MTRR: variants seen among roughly 807,000 people sequenced by gnomAD.
The protein encoded by MTRR is 5-methyltetrahydrofolate-homocysteine methyltransferase reductase, also known as methionine synthase reductase.
In MTRR, 63 loss-of-function variants were observed where a neutral mutation model predicts 79.2. The observed-to-expected ratio is 0.80, with a 90% CI of 0.65 to 0.98. MTRR has a LOEUF of 0.98. Ranked by LOEUF, MTRR falls within the 50% of genes least tolerant of loss-of-function variation. MTRR has a pLI of 0.00. For missense variants in MTRR, 895 were observed against 839.6 expected, an observed-to-expected ratio of 1.07 and a Z score of -0.82; for synonymous variants, 355 against 313.3, an observed-to-expected ratio of 1.13 and a Z score of -1.41.
At chr5:7,866,795 C>A (rs780480840), upstream of MTRR, 7 of 1,614,140 alleles carry the variant, frequency 4.3e-6, no homozygotes, top group Non-Finnish European at 5.9e-6. Context: ...TTCCAGCTTT[C>A]TAAATAAAGC....
chr5:7,851,975 TG>T (rs1746091036), intron 1 of MTRR, among the ~76,000 whole-genome samples: 1 of 152,242 alleles, frequency 6.6e-6, no homozygotes, highest in Non-Finnish European at 1.5e-5. Context: ...GTGTTTGAGA[TG>T]AAGCATAGCG....
chr5:7,888,882 T>TTTTA (rs1392166496), intron 8 of MTRR, among the ~76,000 whole-genome samples: 1 of 152,166 alleles, frequency 6.6e-6, no homozygotes, highest in Non-Finnish European at 1.5e-5. Flanking sequence ...ATTTTATTAG[T>TTTTA]TTTATTTATT....
intron 5 of MTRR, among the ~76,000 whole-genome samples, chr5:7,878,720 G>C (rs1314152034): frequency 6.6e-6 from 1 of 152,260 alleles, no homozygotes; most frequent in Admixed American, 6.5e-5. Context: ...CATTTTAGAT[G>C]AGTCAAACAG....
At chr5:7,877,429 A>G (rs1398726971) in intron 4 of MTRR, among the ~76,000 whole-genome samples, 2 of 150,762 alleles carry the variant, frequency 1.3e-5, no homozygotes, top group Non-Finnish European at 2.9e-5. Context: ...AGGACTTGGC[A>G]TTAATCCATA....
chr5:7,852,385 T>C (rs990034250), intron 1 of MTRR, among the ~76,000 whole-genome samples: 2 of 152,138 alleles, frequency 1.3e-5, no homozygotes, highest in African/African-American at 2.4e-5. Context: ...CTCTCTCTTT[T>C]TATTTATATC....
rs1200960108 is a variant in MTRR, at chr5:7,870,058, TGA to T, written c.-25-710_-25-709del. On this transcript the variant is annotated intron_variant, in intron 1 of 14. Transcript: ENST00000440940. Reference sequence around the variant, plus strand: ...TTAGATGAGTATGGAAAAAAATCTGTGAGTGTCGTTTGTTTTACTACTGCTTA... The same window carrying T: ...TTAGATGAGTATGGAAAAAAATCTGTGTGTCGTTTGTTTTACTACTGCTTA... The T allele has an allele frequency of 1.8e-5, 18 of 985,404 alleles. No homozygotes were observed. The Admixed American group carries it at 5.5e-4, about 30-fold the overall frequency. The allele number at this position is 985,404 out of a possible 1,614,324, so 61.0% of individuals were successfully genotyped here. A position where few individuals can be genotyped will look rare whatever the true frequency, so the allele number is the denominator to read the frequency against.
chr5:7,880,968 A>C (rs575211751), intron 5 of MTRR, among the ~76,000 whole-genome samples: 1 of 152,120 alleles, frequency 6.6e-6, no homozygotes, highest in Non-Finnish European at 1.5e-5. Flanking sequence ...TGCAGAAGCC[A>C]TTGTCAAGTA....
chr5:7,890,866 A>G (rs981988466), intron 9 of MTRR, among the ~76,000 whole-genome samples: 10 of 152,240 alleles, frequency 6.6e-5, no homozygotes, highest in Non-Finnish European at 1.3e-4. Context: ...TAAAAACCAA[A>G]CACTTTAATT....
intron 6 of MTRR, among the ~76,000 whole-genome samples, chr5:7,884,418 C>CT (rs1236678784): frequency 6.6e-6 from 1 of 152,224 alleles, no homozygotes; most frequent in Non-Finnish European, 1.5e-5. Flanking sequence ...CTCCCCTACA[C>CT]TTTAAGTCAT....
chr5:7,867,650 C>T, upstream of MTRR: 2 of 1,614,212 alleles, frequency 1.2e-6, no homozygotes, highest in African/African-American at 1.3e-5. Context: ...CCCTTGATCA[C>T]CATCCTTTTT....
upstream of MTRR, chr5:7,850,948 T>G (rs529905773): frequency 1.5e-6 from 2 of 1,342,824 alleles, no homozygotes; most frequent in African/African-American, 3.0e-5. Context: ...GAAGGCGGAC[T>G]GCGCCGAGAC....
intron 14 of MTRR, among the ~76,000 whole-genome samples, chr5:7,899,699 A>G (rs1359960231): frequency 3.3e-5 from 5 of 152,192 alleles, no homozygotes; most frequent in African/African-American, 1.2e-4. Context: ...TGGGAGCTGT[A>G]GAACCGTGTG....
At chr5:7,861,205 C>T (rs922021992) in intron 1 of MTRR, 3 of 1,612,650 alleles carry the variant, frequency 1.9e-6, no homozygotes, top group Non-Finnish European at 2.5e-6. Context: ...GCTTCTTTCC[C>T]CAGTAAGTGT....
At position 7,900,598 on chromosome 5, in the gene MTRR, T is replaced by TGATAAAAAATATTTTAG. The variant is rs1436969963; in HGVS notation, c.*546_*562dup. On this transcript the variant is annotated 3_prime_UTR_variant, in exon 15 of 15. Transcript: ENST00000440940. ...TTATTTGTTACTAAAGCTATATTTCTGATAAAAAATATTTTAGGATAATTG... is the reference window on the plus strand; with the variant it reads ...TTATTTGTTACTAAAGCTATATTTCTGATAAAAAATATTTTAGGATAAAAAATATTTTAGGATAATTG... The TGATAAAAAATATTTTAG allele has an allele frequency of 6.5e-6, 1 of 153,178 alleles. No homozygotes were observed. The highest frequency in any genetic ancestry group is 1.5e-5 in the Non-Finnish European group (1 of 68,402). The allele number at this position is 153,178 out of a possible 1,614,324, so 9.5% of individuals were successfully genotyped here. A position where few individuals can be genotyped will look rare whatever the true frequency, so the allele number is the denominator to read the frequency against.
At chr5:7,880,723 G>A (rs548604734) in intron 5 of MTRR, among the ~76,000 whole-genome samples, 22 of 152,252 alleles carry the variant, frequency 1.4e-4, no homozygotes, top group African/African-American at 3.9e-4. Flanking sequence ...AGATCTTAAC[G>A]TCATAGGCCA....
upstream of MTRR, chr5:7,868,291 A>AT (rs1178971284): frequency 4.0e-6 from 2 of 506,062 alleles, no homozygotes; most frequent in Non-Finnish European, 6.9e-6. Context: ...AGTGGCTGAC[A>AT]TTGAACAATA....
upstream of MTRR, among the ~76,000 whole-genome samples, chr5:7,868,557 A>C (rs1747240712): frequency 6.6e-6 from 1 of 152,216 alleles, no homozygotes; most frequent in Non-Finnish European, 1.5e-5. Context: ...GGGCAAAATT[A>C]GGCGAGGTTA....
At chr5:7,851,045 C>T, upstream of MTRR, 1 of 1,238,090 alleles carries the variant, frequency 8.1e-7, no homozygotes, top group Non-Finnish European at 1.0e-6. Flanking sequence ...AGCGCCCCCG[C>T]CTTGGCCGCG....
rs9282791 is a variant in MTRR at position 7,889,081 on chromosome 5, G to A, written c.1147-14G>A. On this transcript the variant is annotated splice_polypyrimidine_tract_variant and intron_variant, in intron 8 of 14. Transcript: ENST00000440940. The stretch of plus-strand genomic sequence containing the variant: ...CAAATTGTGTCACAATTTAAGGCGG[G>A]CTCCTTTTTGTAGGCATTTTTGCGA... 906 of 1,613,906 alleles carry A rather than the reference G, an allele frequency of 5.6e-4. 4 individuals are homozygous for A. The African/African-American group carries it at 0.011, about 20-fold the overall frequency.
Sources: gnomAD v4.1 joint callset for allele counts (sites outside exome capture counted in the v4.1 genomes callset) on GRCh38, gnomAD v4.1.1 for gene constraint, MANE v1.5 for transcripts, NCBI Gene and HGNC (gene_info 2026-07-23, HGNC 2026-07-21) for gene names.